RBMX: variants seen among roughly 807,000 people sequenced by gnomAD.
RBMX encodes RNA binding motif protein X-linked, also known as RNA-binding motif protein, X chromosome.
In RBMX, 1 loss-of-function variant was observed where a neutral mutation model predicts 29.3. The ratio of observed to expected loss-of-function variants is 0.03; its 90% CI spans 0.01 to 0.16. The LOEUF (loss-of-function observed/expected upper bound fraction) is 0.16. Ranked by LOEUF, RBMX falls within the 10% of genes least tolerant of loss-of-function variation. The probability of loss-of-function intolerance (pLI) is 1.00; values close to 1 mark genes in which losing one functional copy is unlikely to be tolerated. For synonymous variants in RBMX, 102 were observed against 102.3 expected (o/e 1.00, Z 0.02); for missense variants, 121 against 333.2 (o/e 0.36, Z 4.96).
At chrX:136,878,590 A>G in intron 3 of RBMX, among the ~76,000 whole-genome samples, 1 of 83,841 alleles carries the variant, frequency 1.2e-5, no homozygotes, top group Non-Finnish European at 2.2e-5. Context: ...TACTAAAAAT[A>G]CAAAGTTAGC....
At chrX:136,877,191 G>C (rs2077739161) in intron 4 of RBMX, among the ~76,000 whole-genome samples, 2 of 108,037 alleles carry the variant, frequency 1.9e-5, no homozygotes, top group South Asian at 4.2e-4. Context: ...AAAAATCCAG[G>C]TGTGGTGGTG....
chrX:136,878,133 T>C (rs756826547), intron 3 of RBMX, 47 bp from the exon 4 acceptor site: 16 of 1,061,021 alleles, frequency 1.5e-5, no homozygotes, highest in Non-Finnish European at 2.0e-5. Context: ...TAAAAATAAT[T>C]TGCACATCTA....
chrX:136,878,363 G>A (rs2077757210), intron 3 of RBMX, among the ~76,000 whole-genome samples: 1 of 111,153 alleles, frequency 9.0e-6, no homozygotes, highest in African/African-American at 3.3e-5. Context: ...GGCCAAGTAG[G>A]TATCAGCTTG....
At chrX:136,878,767 C>T (rs1167083790) in intron 3 of RBMX, among the ~76,000 whole-genome samples, 1 of 101,309 alleles carries the variant, frequency 9.9e-6, no homozygotes. Flanking sequence ...AAAAAAAGTA[C>T]CATGTAATGC....
In RBMX at chrX:136,879,443, G is replaced by A. The variant is rs751883855; in HGVS notation, c.-16C>T. ...CTTCAACCATGTTTTTTTTTTTTTG[G>A]GCCGGTGAGTCTGTTGAAAAGGAAT... On this transcript the variant is annotated 5_prime_UTR_variant, in exon 2 of 9. Transcript: ENST00000320676. 22 of 1,005,611 alleles carry A rather than the reference G, an allele frequency of 2.2e-5. No individual in the cohort carries two copies. The East Asian group carries it at 6.4e-4, about 29-fold the overall frequency. 82.9% of individuals were successfully genotyped at this position (1,005,611 alleles called of 1,213,427 possible).
At chrX:136,874,906 G>C (rs2077711642) in intron 8 of RBMX, 180 bp downstream of exon 8, 1 of 895,754 alleles carries the variant, frequency 1.1e-6, no homozygotes, top group African/African-American at 2.1e-5. Context: ...AGCCTCAAAA[G>C]AAACTTAGAA....
At chrX:136,880,345 C>A (rs929516987) in intron 1 of RBMX, among the ~76,000 whole-genome samples, 1 of 112,430 alleles carries the variant, frequency 8.9e-6, no homozygotes, top group African/African-American at 3.2e-5. Flanking sequence ...CTCCTCGCCC[C>A]GCTCCAGCCT....
At position 136,876,434 on chromosome X, in the gene RBMX, A is replaced by G. The variant is rs199790608; in HGVS notation, c.541+69T>C. 2.6e-3 allele frequency: 2,738 copies of G among 1,066,897 alleles called. 7 individuals are homozygous for G. The highest frequency in any genetic ancestry group is 0.015 in the South Asian group (591 of 38,672). The allele number at this position is 1,066,897 out of a possible 1,213,427, so 87.9% of individuals were successfully genotyped here. ...ACCACGCCTGGCCAATTAAAATTTTAAGCATCATTCACCTCTCAATTCTTT... is the reference window on the plus strand; with the variant it reads ...ACCACGCCTGGCCAATTAAAATTTTGAGCATCATTCACCTCTCAATTCTTT... On this transcript the variant is annotated intron_variant, in intron 5 of 8. Coordinates refer to ENST00000320676, the MANE Select transcript of RBMX (RefSeq NM_002139.4).
chrX:136,873,633 A>T lies in RBMX; in HGVS notation c.*509T>A. On this transcript the variant is annotated 3_prime_UTR_variant, in exon 9 of 9. Transcript: ENST00000320676. ...TTTTTGGGTTTACTGGGTGAATAGC[A>T]CTTTCCTTACATAGGCATGTGATTT... is the stretch of plus-strand genomic sequence containing the variant. The T allele has an allele frequency of 1.3e-6, 1 of 755,274 alleles. No homozygotes were observed. 62.2% of individuals were successfully genotyped at this position (755,274 alleles called of 1,213,427 possible).
chrX:136,874,497 A>G, intron 8 of RBMX, 45 bp from the exon 9 acceptor site: 1 of 1,160,197 alleles, frequency 8.6e-7, no homozygotes, highest in South Asian at 1.9e-5. Context: ...TATAAATTGT[A>G]TATATACAAC....
chrX:136,870,802 AAG>A (rs1179191444), downstream of RBMX, among the ~76,000 whole-genome samples: 2 of 107,748 alleles, frequency 1.9e-5, no homozygotes, highest in African/African-American at 3.4e-5. Flanking sequence ...AAAAAAGAAA[AAG>A]AAAAAAAGAA....
downstream of RBMX, chrX:136,869,241 G>T (rs1247048871): frequency 4.4e-5 from 5 of 112,457 alleles, no homozygotes; most frequent in African/African-American, 1.6e-4. Flanking sequence ...TCCAAAAAGT[G>T]AAAAGTGATC....
intron 3 of RBMX, among the ~76,000 whole-genome samples, chrX:136,878,680 C>T (rs1442229009): frequency 3.0e-4 from 18 of 59,758 alleles, no homozygotes; most frequent in Non-Finnish European, 4.8e-4. Flanking sequence ...GCTTAGAACT[C>T]GGGAGACAGG....
At chrX:136,872,007 C>G (rs1232889666), downstream of RBMX, among the ~76,000 whole-genome samples, 1 of 110,936 alleles carries the variant, frequency 9.0e-6, no homozygotes, top group Non-Finnish European at 1.9e-5. Flanking sequence ...ATATGAAGAG[C>G]TATAAGCAAG....
chrX:136,878,129 T>C (rs2077754051), intron 3 of RBMX, 43 bp from the exon 4 acceptor site: 1 of 1,066,032 alleles, frequency 9.4e-7, no homozygotes, highest in South Asian at 2.3e-5. Context: ...GATTTAAAAA[T>C]AATTTGCACA....
chrX:136,876,321 A>G (rs1386769800), intron 5 of RBMX, among the ~76,000 whole-genome samples, 182 bp downstream of exon 5: 1 of 109,190 alleles, frequency 9.2e-6, no homozygotes, highest in Non-Finnish European at 1.9e-5. Flanking sequence ...ACGGGGTTTC[A>G]CCACATTGGC....
chrX:136,873,088 G>A (rs2077694564), downstream of RBMX: 3 of 109,024 alleles, frequency 2.8e-5, no homozygotes, highest in South Asian at 7.9e-4. Context: ...GAATTTGGAG[G>A]ACTTCTAATA....
chrX:136,879,274 A>G, intron 2 of RBMX, 45 bp downstream of exon 2: 5 of 1,198,552 alleles, frequency 4.2e-6, no homozygotes, highest in Non-Finnish European at 5.7e-6. Context: ...ATCATAGCTT[A>G]TATTTTAATT....
downstream of RBMX, among the ~76,000 whole-genome samples, chrX:136,871,557 C>T (rs2077684911): frequency 9.0e-6 from 1 of 111,553 alleles, no homozygotes; most frequent in East Asian, 2.8e-4. Flanking sequence ...TCATTAACTC[C>T]ACATTTAGTC....
Sources: allele counts gnomAD v4.1 joint callset (sites outside exome capture counted in the v4.1 genomes callset), GRCh38; gene constraint gnomAD v4.1.1; transcripts MANE v1.5; gene names NCBI Gene and HGNC (gene_info 2026-07-23, HGNC 2026-07-21).